Variants in STX18 observed in about 807,000 individuals in gnomAD.
STX18 encodes the protein syntaxin 18.
STX18 carries 40 observed loss-of-function variants against 50.1 expected under a neutral mutation model. The observed-to-expected ratio is 0.80, with a 90% CI of 0.62 to 1.04. STX18 has a LOEUF of 1.04. Among genes scored for constraint, STX18 ranks in the 50% least tolerant of loss-of-function variants. The pLI is 0.00. For synonymous variants in STX18, 158 were observed against 151.8 expected (o/e 1.04, Z -0.30); for missense variants, 410 against 415.8 (o/e 0.99, Z 0.12).
chr4:4,512,421 G>T lies in STX18; in HGVS notation c.168+29376C>A, dbSNP rs529759001. Among the ~76,000 whole-genome samples, 155 of 152,228 alleles carry T rather than the reference G, an allele frequency of 1.0e-3. 3 individuals are homozygous for T. In the South Asian group the frequency reaches 0.032, roughly 31 times the overall value. ...CTGGTCCATGACCTAGAGAGTAGAA[G>T]ATACTATGGAAACACAGCAGCTTGT... is the stretch of plus-strand genomic sequence containing the variant. On this transcript the variant is annotated intron_variant, in intron 1 of 10. Transcript: ENST00000306200.
chr4:4,420,260 T>C lies in STX18; in HGVS notation c.913-131A>G. On this transcript the variant is annotated intron_variant, in intron 10 of 10. Transcript: ENST00000306200. The surrounding 1 kb of genome is among the most constrained non-coding windows in gnomAD (Gnocchi z 4.3). The stretch of plus-strand genomic sequence containing the variant: ...CTATGGGTGTCGTTCCATCTGTGCT[T>C]ACCTTGAATAGATGGCTTTTGAGAT... 1.5e-6 allele frequency: 1 copy of C among 660,808 alleles called. No homozygotes were observed. The highest frequency in any genetic ancestry group is 2.6e-6 in the Non-Finnish European group (1 of 382,542). 40.9% of individuals were successfully genotyped at this position (660,808 alleles called of 1,614,324 possible).
chr4:4,470,322 A>G (rs761408701), intron 2 of STX18, among the ~76,000 whole-genome samples: 5 of 152,180 alleles, frequency 3.3e-5, no homozygotes, highest in Admixed American at 2.6e-4. Flanking sequence ...CTAGTTGGGA[A>G]AAACAAAAAT....
intron 6 of STX18, among the ~76,000 whole-genome samples, chr4:4,436,728 G>A (rs1725796904): frequency 6.6e-6 from 1 of 152,160 alleles, no homozygotes; most frequent in Non-Finnish European, 1.5e-5. Flanking sequence ...ACAGAGGCAA[G>A]TCCAGACTCC....
At chr4:4,444,353 G>A (rs751149111) in intron 5 of STX18, among the ~76,000 whole-genome samples, 3 of 152,174 alleles carry the variant, frequency 2.0e-5, no homozygotes, top group Non-Finnish European at 4.4e-5. Flanking sequence ...CAGGGGTCTG[G>A]CATGACCATC....
At chr4:4,430,499 A>G (rs895361498) in intron 7 of STX18, among the ~76,000 whole-genome samples, 2 of 152,254 alleles carry the variant, frequency 1.3e-5, no homozygotes, top group African/African-American at 4.8e-5. Context: ...CTCTTGCAGT[A>G]ACACAATAAA....
intron 1 of STX18, among the ~76,000 whole-genome samples, chr4:4,535,496 G>A (rs1731289139): frequency 6.6e-6 from 1 of 152,078 alleles, no homozygotes; most frequent in Non-Finnish European, 1.5e-5. Context: ...TAAAGCAGTG[G>A]TTTTTAAACT....
intron 1 of STX18, chr4:4,507,442 T>C: frequency 1.3e-6 from 1 of 760,186 alleles, no homozygotes; most frequent in Admixed American, 1.7e-5. Context: ...CCGGCTAGTA[T>C]GCGAACTGGA....
chr4:4,427,793 T>C (rs534994855), intron 7 of STX18, among the ~76,000 whole-genome samples: 12 of 152,220 alleles, frequency 7.9e-5, no homozygotes, highest in Admixed American at 1.3e-4. Flanking sequence ...GATAGCTCCA[T>C]GTCCGCCCTC....
intron 7 of STX18, among the ~76,000 whole-genome samples, chr4:4,428,224 G>A (rs1725350287): frequency 6.6e-6 from 1 of 152,250 alleles, no homozygotes; most frequent in Non-Finnish European, 1.5e-5. Flanking sequence ...GGCCTTATAG[G>A]AACCCTGGGG....
chr4:4,521,717 C>A (rs1730518195), intron 1 of STX18, among the ~76,000 whole-genome samples: 2 of 151,484 alleles, frequency 1.3e-5, no homozygotes, highest in South Asian at 4.2e-4. Context: ...GAAGAATATC[C>A]CCAGGAACAT....
intron 2 of STX18, among the ~76,000 whole-genome samples, chr4:4,466,851 T>C (rs1006767256): frequency 1.3e-5 from 2 of 152,186 alleles, no homozygotes; most frequent in African/African-American, 4.8e-5. Context: ...TGGGGTTTTA[T>C]TATTACTCAA....
chr4:4,469,730 G>C (rs1016746132), intron 2 of STX18, among the ~76,000 whole-genome samples: 1 of 152,080 alleles, frequency 6.6e-6, no homozygotes, highest in African/African-American at 2.4e-5. Context: ...ATGATTCCCA[G>C]CTATTTTTGG....
intron 1 of STX18, among the ~76,000 whole-genome samples, chr4:4,491,117 TAAA>T (rs146689302): frequency 6.9e-6 from 1 of 145,576 alleles, no homozygotes; most frequent in East Asian, 2.0e-4. Context: ...TCTTGTCTCT[TAAA>T]AAAAAAAAAA....
chr4:4,534,216 C>A (rs1731230323), intron 1 of STX18, among the ~76,000 whole-genome samples: 1 of 152,202 alleles, frequency 6.6e-6, no homozygotes, highest in South Asian at 2.1e-4. Context: ...TATCAGTAAG[C>A]ACTGCTGCTG....
intron 7 of STX18, among the ~76,000 whole-genome samples, chr4:4,434,139 G>A (rs985566807): frequency 2.0e-5 from 3 of 152,242 alleles, no homozygotes; most frequent in Admixed American, 6.5e-5. Flanking sequence ...TTAGAGGACA[G>A]TGTCACATCC....
chr4:4,471,728 A>T, intron 1 of STX18, 22 bp from the exon 2 acceptor site: 1 of 1,520,254 alleles, frequency 6.6e-7, no homozygotes, highest in Non-Finnish European at 8.9e-7. Context: ...AAAGAAAGCC[A>T]ACAGTTTATA....
intron 5 of STX18, among the ~76,000 whole-genome samples, chr4:4,445,778 A>T (rs1212053572): frequency 2.0e-5 from 3 of 152,366 alleles, no homozygotes; most frequent in African/African-American, 7.2e-5. Flanking sequence ...TATAAATTCA[A>T]CATAATCCCT....
intron 1 of STX18, among the ~76,000 whole-genome samples, chr4:4,519,548 T>A (rs1442454377): frequency 6.6e-6 from 1 of 152,172 alleles, no homozygotes; most frequent in African/African-American, 2.4e-5. Context: ...ATTAACATGC[T>A]GCGAAAATAA....
intron 1 of STX18, among the ~76,000 whole-genome samples, chr4:4,478,368 C>T (rs749336480): frequency 2.0e-5 from 3 of 152,054 alleles, no homozygotes; most frequent in Non-Finnish European, 2.9e-5. Flanking sequence ...ACAAATACAG[C>T]AAGGAAAAAG....
Sources: gnomAD v4.1 joint callset for allele counts (sites outside exome capture counted in the v4.1 genomes callset) on GRCh38, gnomAD v4.1.1 for gene constraint, Gnocchi (gnomAD v3.1) non-coding constraint, MANE v1.5 for transcripts, NCBI Gene and HGNC (gene_info 2026-07-23, HGNC 2026-07-21) for gene names.